Variants in PCDH11Y observed in about 807,000 individuals in gnomAD.
The protein encoded by PCDH11Y is protocadherin-11 Y-linked.
For synonymous variants in PCDH11Y, 9 were observed against 83.6 expected (o/e 0.11, Z 4.87); for missense variants, 12 against 224.8 (o/e 0.05, Z 6.05).
chrY:5,487,504 GT>G lies in PCDH11Y; in HGVS notation c.3130-13550del. 1.2e-4 allele frequency among the ~76,000 whole-genome samples: 4 copies of G among 33,742 alleles called. No individual in the cohort carries two copies. In the South Asian group the frequency reaches 2.6e-3, roughly 22 times the overall value. 90.5% of individuals were successfully genotyped at this position (33,742 alleles called of 37,273 possible). ...GAGCCACCGTGCCCGGCCTTGTTTT[GT>G]TTGTTAAAGGCAATTTTTTAAATAA... On this transcript the variant is annotated intron_variant, in intron 2 of 4. Transcript: ENST00000400457.
chrY:5,289,051 A>G, intron 2 of PCDH11Y, among the ~76,000 whole-genome samples: 1 of 32,889 alleles, frequency 3.0e-5, no homozygotes, highest in African/African-American at 1.2e-4. Context: ...TACCACCACA[A>G]TCAAGGTATG....
At chrY:5,043,137 C>A (rs2052618290) in intron 3 of PCDH11Y, among the ~76,000 whole-genome samples, 1 of 31,688 alleles carries the variant, frequency 3.2e-5, no homozygotes, top group Non-Finnish European at 7.6e-5. Flanking sequence ...GCCAGAACTT[C>A]CAACACTATG....
chrY:5,040,541 CG>C (rs2052606039), intron 3 of PCDH11Y, among the ~76,000 whole-genome samples: 1 of 32,230 alleles, frequency 3.1e-5, no homozygotes, highest in African/African-American at 1.2e-4. Flanking sequence ...ATAAATAAAA[CG>C]GGGGTTGCAT....
In PCDH11Y at chrY:5,193,023, C is replaced by T. The variant is rs2124648610; in HGVS notation, c.3129+92316C>T. On this transcript the variant is annotated intron_variant, in intron 2 of 4. Transcript: ENST00000400457. ...GTCTTTTTCTCTCCCAAAATACCAC[C>T]ACATTTGTAATTTTTTCTTTAGTTT... Among the ~76,000 whole-genome samples the T allele has an allele frequency of 1.2e-4, 4 of 32,455 alleles. No homozygotes were observed. The East Asian group carries it at 3.3e-3, about 27-fold the overall frequency. 87.1% of individuals were successfully genotyped at this position (32,455 alleles called of 37,273 possible). A position where few individuals can be genotyped will look rare whatever the true frequency, so the allele number is the denominator to read the frequency against.
chrY:5,580,293 C>T, intron 3 of PCDH11Y, among the ~76,000 whole-genome samples: 1 of 30,996 alleles, frequency 3.2e-5, no homozygotes, highest in Non-Finnish European at 8.0e-5. Context: ...TTTTAGTTAC[C>T]AAATTAGAAA....
chrY:5,643,085 T>G, intron 4 of PCDH11Y, among the ~76,000 whole-genome samples: 2 of 33,261 alleles, frequency 6.0e-5, no homozygotes, highest in East Asian at 1.6e-3. Flanking sequence ...CATCATACAT[T>G]TGTTTTTATG....
chrY:5,576,566 A>T, intron 3 of PCDH11Y, among the ~76,000 whole-genome samples: 1 of 33,621 alleles, frequency 3.0e-5, no homozygotes, highest in Non-Finnish European at 7.5e-5. Flanking sequence ...GCCATGAACA[A>T]TTTAAAATAT....
At chrY:5,378,288 TACACACACAC>T (rs200306687) in intron 2 of PCDH11Y, among the ~76,000 whole-genome samples, 8 of 23,385 alleles carry the variant, frequency 3.4e-4, no homozygotes, top group African/African-American at 1.0e-3. Flanking sequence ...AATAAATAAA[TACACACACAC>T]ACACACACAC....
At chrY:5,665,433 C>A in intron 4 of PCDH11Y, among the ~76,000 whole-genome samples, 2 of 33,530 alleles carry the variant, frequency 6.0e-5, no homozygotes, top group Non-Finnish European at 1.5e-4. Context: ...CACAATCACA[C>A]ATTTATTCAG....
chrY:5,108,615 C>T (rs1259245799), downstream of PCDH11Y, among the ~76,000 whole-genome samples: 15 of 30,034 alleles, frequency 5.0e-4, no homozygotes, highest in East Asian at 1.7e-3. Context: ...GGCGTGGTGG[C>T]GGGCGCCTGT....
chrY:5,307,191 T>G, intron 2 of PCDH11Y, among the ~76,000 whole-genome samples: 1 of 29,572 alleles, frequency 3.4e-5, no homozygotes, highest in Non-Finnish European at 8.1e-5. Flanking sequence ...TTGGAGTCAT[T>G]TGACTGCATG....
intron 2 of PCDH11Y, among the ~76,000 whole-genome samples, chrY:5,317,206 C>T (rs2053108231): frequency 3.0e-5 from 1 of 32,831 alleles, no homozygotes; most frequent in African/African-American, 1.2e-4. Flanking sequence ...ATGAGACAAA[C>T]GTTTGCATTA....
intron 4 of PCDH11Y, among the ~76,000 whole-genome samples, chrY:5,726,556 A>G: frequency 3.0e-5 from 1 of 33,338 alleles, no homozygotes; most frequent in Non-Finnish European, 7.5e-5. Context: ...AAGATGTCCC[A>G]GAATTGAGAT....
At chrY:5,289,388 A>G in intron 2 of PCDH11Y, among the ~76,000 whole-genome samples, 1 of 34,293 alleles carries the variant, frequency 2.9e-5, no homozygotes, top group Non-Finnish European at 7.3e-5. Context: ...GGCCAATACA[A>G]AAGATCAAAT....
intron 2 of PCDH11Y, among the ~76,000 whole-genome samples, chrY:5,173,505 C>T: frequency 1.3e-4 from 4 of 31,997 alleles, no homozygotes; most frequent in African/African-American, 4.8e-4. Context: ...AGTGGGATGG[C>T]TAGTAGATGG....
intron 2 of PCDH11Y, among the ~76,000 whole-genome samples, chrY:5,371,479 A>G (rs2124673164): frequency 3.0e-5 from 1 of 33,673 alleles, no homozygotes; most frequent in East Asian, 7.7e-4. Context: ...TTACCCTGAT[A>G]TTTCTTTGTT....
chrY:5,102,361 A>G (rs2124637168), downstream of PCDH11Y, among the ~76,000 whole-genome samples: 3 of 31,341 alleles, frequency 9.6e-5, no homozygotes, highest in Non-Finnish European at 2.3e-4. Flanking sequence ...ATCTTTTATG[A>G]CTAACACTAC....
At chrY:5,328,167 C>G in intron 2 of PCDH11Y, among the ~76,000 whole-genome samples, 1 of 33,493 alleles carries the variant, frequency 3.0e-5, no homozygotes. Context: ...GGGTCCCACA[C>G]AGATGGGACG....
intron 3 of PCDH11Y, among the ~76,000 whole-genome samples, chrY:5,039,918 A>AGGC (rs2052604695): frequency 3.1e-5 from 1 of 32,453 alleles, no homozygotes; most frequent in Non-Finnish European, 7.5e-5. Flanking sequence ...CCAGTGGATC[A>AGGC]TGAGGTCAGG....
Sources: allele counts gnomAD v4.1 joint callset (sites outside exome capture counted in the v4.1 genomes callset), GRCh38; gene constraint gnomAD v4.1.1; transcripts MANE v1.5; gene names NCBI Gene and HGNC (gene_info 2026-07-23, HGNC 2026-07-21).